The following PSD3 variants were observed in gnomAD, a reference collection of about 807,000 sequenced individuals.
The protein encoded by PSD3 is pleckstrin and Sec7 domain containing 3.
PSD3 carries 49 observed loss-of-function variants against 105.5 expected under a neutral mutation model. The observed-to-expected ratio is 0.46, with a 90% CI of 0.37 to 0.59. The LOEUF (loss-of-function observed/expected upper bound fraction) is 0.59, where lower values mean the gene tolerates loss of function less well. PSD3 is among the 20% of genes least tolerant of loss of function. The pLI, the probability that PSD3 is intolerant of heterozygous loss-of-function variation, is 0.00. For synonymous variants in PSD3, 557 were observed against 457.8 expected, an observed-to-expected ratio of 1.22 and a Z score of -2.77; for missense variants, 1,561 against 1,263.8, an observed-to-expected ratio of 1.24 and a Z score of -3.57.
At chr8:18,977,831 T>C (rs1825026871) in intron 1 of PSD3, among the ~76,000 whole-genome samples, 1 of 152,196 alleles carries the variant, frequency 6.6e-6, no homozygotes. Flanking sequence ...CTGATTTTCC[T>C]AAAATCAACA....
At chr8:18,580,906 T>G (rs1305856062) in intron 12 of PSD3, among the ~76,000 whole-genome samples, 1 of 152,148 alleles carries the variant, frequency 6.6e-6, no homozygotes, top group Non-Finnish European at 1.5e-5. Context: ...CACCCGTCGC[T>G]CTTAACCATT....
intron 8 of PSD3, among the ~76,000 whole-genome samples, chr8:18,768,927 T>C (rs951653435): frequency 1.3e-5 from 2 of 152,184 alleles, no homozygotes; most frequent in African/African-American, 4.8e-5. Flanking sequence ...ATATTTCTCA[T>C]AAGTTAAATA....
intron 1 of PSD3, among the ~76,000 whole-genome samples, chr8:18,984,562 T>C (rs775876860): frequency 6.6e-6 from 1 of 152,198 alleles, no homozygotes; most frequent in South Asian, 2.1e-4. Flanking sequence ...AAAGAAACTA[T>C]TTGAGCATTT....
At chr8:18,913,926 T>C (rs532896843) in intron 2 of PSD3, among the ~76,000 whole-genome samples, 78 of 152,278 alleles carry the variant, frequency 5.1e-4, no homozygotes, top group Non-Finnish European at 8.2e-4. Flanking sequence ...GGCTGGCCCC[T>C]GCAGATCCAT....
intron 4 of PSD3, chr8:18,808,924 C>G: frequency 6.7e-7 from 1 of 1,497,212 alleles, no homozygotes; most frequent in Non-Finnish European, 8.9e-7. Flanking sequence ...ACTACTATGA[C>G]CTCACATTCT....
rs147690320 is a variant in PSD3 at position 19,032,385 on chromosome 8, G to A, written c.324+51821C>T. ...CAGCTGGGTGTGGTGGCTCACTCCT[G>A]TAATCCCAGCACTTTGGGAGGCCAA... On this transcript the variant is annotated intron_variant, in intron 1 of 1. Transcript: ENST00000521475. Among the ~76,000 whole-genome samples the A allele has an allele frequency of 5.2e-4, 79 of 152,184 alleles. No individual in the cohort carries two copies. The East Asian group carries it at 0.015, about 29-fold the overall frequency.
chr8:18,976,111 C>T (rs1457772279), intron 1 of PSD3, among the ~76,000 whole-genome samples: 2 of 151,950 alleles, frequency 1.3e-5, no homozygotes, highest in Non-Finnish European at 2.9e-5. Context: ...TATAATATCA[C>T]CATAAAATGT....
intron 9 of PSD3, among the ~76,000 whole-genome samples, chr8:18,744,728 T>C (rs1187890444): frequency 6.6e-6 from 1 of 152,210 alleles, no homozygotes; most frequent in African/African-American, 2.4e-5. Context: ...ACCAGAACGT[T>C]AATGTTGGTA....
chr8:19,026,877 AC>A (rs1483657514), intron 1 of PSD3, among the ~76,000 whole-genome samples: 1 of 151,460 alleles, frequency 6.6e-6, no homozygotes, highest in African/African-American at 2.4e-5. Flanking sequence ...CTGCCCCCCC[AC>A]CCAAAAATAT....
intron 4 of PSD3, among the ~76,000 whole-genome samples, chr8:18,815,741 G>A (rs780690571): frequency 6.7e-5 from 10 of 149,188 alleles, no homozygotes; most frequent in African/African-American, 9.9e-5. Context: ...ACCCACTGAC[G>A]ACATGGCCGT....
intron 4 of PSD3, among the ~76,000 whole-genome samples, chr8:18,814,003 TGTTA>T (rs1226656897): frequency 2.6e-5 from 4 of 152,096 alleles, no homozygotes; most frequent in African/African-American, 7.3e-5. Context: ...TCCATACAAA[TGTTA>T]GTTAGCGCTC....
intron 8 of PSD3, among the ~76,000 whole-genome samples, chr8:18,769,044 C>T (rs186960419): frequency 7.4e-4 from 113 of 152,312 alleles, no homozygotes; most frequent in African/African-American, 2.6e-3. Context: ...ACGACAATAA[C>T]TCAGTTTTCC....
At position 18,804,998 on chromosome 8, in the gene PSD3, C is replaced by T. The variant is rs560261025; in HGVS notation, c.1635-100G>A. 1.9e-5 allele frequency: 19 copies of T among 1,010,030 alleles called. No homozygotes were observed. In the East Asian group the frequency reaches 4.4e-4, roughly 23 times the overall value. 62.6% of individuals were successfully genotyped at this position (1,010,030 alleles called of 1,614,324 possible). ...TGATAGTTTTCTTTTAGTTCAGCTA[C>T]ACTTAGATGAGATCACTGTATGTTT... On this transcript the variant is annotated intron_variant, in intron 4 of 15. Transcript: ENST00000327040.
At chr8:19,026,172 A>T (rs1827543745) in intron 1 of PSD3, among the ~76,000 whole-genome samples, 1 of 152,148 alleles carries the variant, frequency 6.6e-6, no homozygotes, top group Non-Finnish European at 1.5e-5. Context: ...CCCACAAAAT[A>T]TGGGAATTAT....
At chr8:18,912,947 C>A (rs62495871) in intron 2 of PSD3, among the ~76,000 whole-genome samples, 1 of 151,838 alleles carries the variant, frequency 6.6e-6, no homozygotes, top group Non-Finnish European at 1.5e-5. Context: ...GGCAAGGCAC[C>A]CAGGGGATGT....
chr8:18,670,226 C>G lies in PSD3; in HGVS notation c.2173-14541G>C, dbSNP rs138281025. ...CGAGGTAAGCAGCTCCTGGGCACCA[C>G]TGAACCGGGTGGGTCTGAGAAACCC... On this transcript the variant is annotated intron_variant, in intron 9 of 15. Transcript: ENST00000327040. Among the ~76,000 whole-genome samples, 877 of 152,288 alleles carry G rather than the reference C, an allele frequency of 5.8e-3. 9 individuals are homozygous for G. The highest frequency in any genetic ancestry group is 0.02 in the African/African-American group (842 of 41,570).
intron 1 of PSD3, among the ~76,000 whole-genome samples, chr8:19,006,539 C>T (rs893923383): frequency 2.0e-5 from 3 of 152,070 alleles, no homozygotes; most frequent in East Asian, 1.9e-4. Context: ...TTTCACACTG[C>T]TATCCTCAAG....
chr8:18,948,966 AC>A (rs1823028875), intron 1 of PSD3, among the ~76,000 whole-genome samples: 1 of 151,882 alleles, frequency 6.6e-6, no homozygotes, highest in Non-Finnish European at 1.5e-5. Context: ...AACATGTAAT[AC>A]CTAGAACTGC....
At chr8:18,828,042 TATATGTATATATATATATATATA>T (rs1813351765) in intron 4 of PSD3, among the ~76,000 whole-genome samples, 1 of 125,910 alleles carries the variant, frequency 7.9e-6, no homozygotes, top group Non-Finnish European at 1.6e-5. Flanking sequence ...ATATAATATA[TATATGTATATATATATATATATA>T]TATTTTTTTT....
Sources: gnomAD v4.1 joint callset for allele counts (sites outside exome capture counted in the v4.1 genomes callset) on GRCh38, gnomAD v4.1.1 for gene constraint, MANE v1.5 for transcripts, NCBI Gene and HGNC (gene_info 2026-07-23, HGNC 2026-07-21) for gene names.